Variants in ADGRL3 observed in about 807,000 individuals in gnomAD.
ADGRL3 encodes the protein adhesion G protein-coupled receptor L3.
In ADGRL3, 62 loss-of-function variants were observed where a neutral mutation model predicts 153.5. The ratio of observed to expected loss-of-function variants is 0.40; its 90% CI spans 0.33 to 0.50. ADGRL3 has a LOEUF of 0.50. ADGRL3 is among the 20% of genes least tolerant of loss of function. ADGRL3 has a pLI of 0.47. For missense variants in ADGRL3, 1,641 were observed against 1,859.4 expected (o/e 0.88, Z 2.16); for synonymous variants, 710 against 672.5 (o/e 1.06, Z -0.86).
intron 2 of ADGRL3, among the ~76,000 whole-genome samples, chr4:61,416,297 TGTGA>T (rs1032627312): frequency 1.2e-4 from 18 of 150,816 alleles, no homozygotes; most frequent in Admixed American, 5.9e-4. Context: ...AAGCCGAAAC[TGTGA>T]GTATTTTAAT....
intron 2 of ADGRL3, among the ~76,000 whole-genome samples, chr4:61,400,363 A>G (rs888609173): frequency 6.6e-6 from 1 of 151,862 alleles, no homozygotes; most frequent in African/African-American, 2.4e-5. Flanking sequence ...TAAAATAAAT[A>G]TAGGAAAAAA....
chr4:61,887,379 TAAA>T (rs2149539951), intron 9 of ADGRL3, among the ~76,000 whole-genome samples: 1 of 152,296 alleles, frequency 6.6e-6, no homozygotes, highest in South Asian at 2.1e-4. Flanking sequence ...AGCAAAGTAT[TAAA>T]AACATGGAAT....
intron 2 of ADGRL3, among the ~76,000 whole-genome samples, chr4:61,402,938 TC>T: frequency 6.6e-6 from 1 of 152,036 alleles, no homozygotes; most frequent in Non-Finnish European, 1.5e-5. Flanking sequence ...TAGTTTATTT[TC>T]CTACATTTCT....
chr4:61,298,119 T>G (rs552799429), intron 1 of ADGRL3, among the ~76,000 whole-genome samples: 1 of 152,280 alleles, frequency 6.6e-6, no homozygotes, highest in South Asian at 2.1e-4. Flanking sequence ...TTTTACTGTA[T>G]TATACTTTTG....
intron 4 of ADGRL3, among the ~76,000 whole-genome samples, chr4:61,574,230 A>G (rs1272911294): frequency 6.6e-6 from 1 of 151,972 alleles, no homozygotes; most frequent in Non-Finnish European, 1.5e-5. Context: ...TTCGTAAAGC[A>G]GCCATATGTG....
intron 2 of ADGRL3, among the ~76,000 whole-genome samples, chr4:61,413,166 T>C (rs1226548174): frequency 1.3e-5 from 2 of 152,160 alleles, no homozygotes; most frequent in Non-Finnish European, 2.9e-5. Context: ...AAGCTTTTTA[T>C]TATTGTTGGA....
chr4:61,433,595 T>G (rs751065851), intron 2 of ADGRL3, among the ~76,000 whole-genome samples: 1 of 152,216 alleles, frequency 6.6e-6, no homozygotes, highest in Non-Finnish European at 1.5e-5. Context: ...CCCTGTTCAC[T>G]AAATGCTAAA....
chr4:61,850,106 A>T (rs2098183458), intron 9 of ADGRL3, among the ~76,000 whole-genome samples: 1 of 152,108 alleles, frequency 6.6e-6, no homozygotes, highest in Non-Finnish European at 1.5e-5. Flanking sequence ...CTTGACACAA[A>T]CAGTGCTTTA....
In ADGRL3 at chr4:61,809,880, G is replaced by A. The variant is rs80241057; in HGVS notation, c.1400-3929G>A. Among the ~76,000 whole-genome samples the A allele has an allele frequency of 6.6e-5, 10 of 152,058 alleles. No homozygotes were observed. In the South Asian group the frequency reaches 1.0e-3, roughly 16 times the overall value. On this transcript the variant is annotated intron_variant, in intron 8 of 26. Transcript: ENST00000683033. ...AAAAACTGTTTTAATTACTACCTACGTATAAATTCATCTAATCTTCAGAAT... is the reference window on the plus strand; with the variant it reads ...AAAAACTGTTTTAATTACTACCTACATATAAATTCATCTAATCTTCAGAAT...
In ADGRL3 at chr4:61,557,948, A is replaced by G. The variant is rs984594946; in HGVS notation, c.260-29279A>G. Reference sequence around the variant, plus strand: ...CTCCATCGAGGTCATGTGGATCTTTACCTTCAAAATCCATTGTGCAACTTA... The same window carrying G: ...CTCCATCGAGGTCATGTGGATCTTTGCCTTCAAAATCCATTGTGCAACTTA... On this transcript the variant is annotated intron_variant, in intron 4 of 26. Coordinates refer to ENST00000683033, the MANE Select transcript of ADGRL3 (RefSeq NM_001387552.1). 4.6e-5 allele frequency among the ~76,000 whole-genome samples: 7 copies of G among 151,746 alleles called. 2 individuals carry two copies. The South Asian group carries it at 1.5e-3, about 32-fold the overall frequency.
At chr4:61,889,553 G>T (rs1011614655) in intron 9 of ADGRL3, among the ~76,000 whole-genome samples, 4 of 152,016 alleles carry the variant, frequency 2.6e-5, no homozygotes, top group Non-Finnish European at 5.9e-5. Context: ...CTGGAAAAAG[G>T]TAGAGAATGA....
At chr4:61,362,841 T>G (rs1255186091) in intron 1 of ADGRL3, among the ~76,000 whole-genome samples, 2 of 152,184 alleles carry the variant, frequency 1.3e-5, no homozygotes, top group Non-Finnish European at 2.9e-5. Flanking sequence ...GATGACTTTT[T>G]CATATAAATA....
intron 4 of ADGRL3, among the ~76,000 whole-genome samples, chr4:61,526,609 C>T (rs1238040800): frequency 6.6e-6 from 1 of 151,668 alleles, no homozygotes; most frequent in Non-Finnish European, 1.5e-5. Context: ...GAGACCCTGT[C>T]TTTATAAAAG....
chr4:61,876,157 CAT>C (rs1340118312), intron 9 of ADGRL3, among the ~76,000 whole-genome samples: 9 of 152,046 alleles, frequency 5.9e-5, no homozygotes, highest in Non-Finnish European at 1.0e-4. Flanking sequence ...TTGCATATCT[CAT>C]ATGATTTTTC....
At chr4:61,512,161 A>G (rs955198192) in intron 3 of ADGRL3, among the ~76,000 whole-genome samples, 3 of 152,044 alleles carry the variant, frequency 2.0e-5, no homozygotes, top group Admixed American at 6.6e-5. Flanking sequence ...TGGAATAGAC[A>G]TTTCAGTAGC....
At chr4:61,861,433 G>T (rs770467996) in intron 9 of ADGRL3, among the ~76,000 whole-genome samples, 4 of 152,030 alleles carry the variant, frequency 2.6e-5, no homozygotes, top group Non-Finnish European at 4.4e-5. Flanking sequence ...AGGAATTAAT[G>T]GGTTGGAAAA....
intron 1 of ADGRL3, among the ~76,000 whole-genome samples, chr4:61,363,930 G>C (rs567414643): frequency 2.3e-4 from 35 of 152,184 alleles, no homozygotes; most frequent in Non-Finnish European, 5.0e-4. Context: ...GTTGTTTACT[G>C]TTATGCATAT....
intron 4 of ADGRL3, among the ~76,000 whole-genome samples, chr4:61,532,891 G>A (rs918697896): frequency 6.6e-6 from 1 of 152,038 alleles, no homozygotes; most frequent in African/African-American, 2.4e-5. Flanking sequence ...TGGGATTAGA[G>A]AAACTGTAGT....
At chr4:61,250,799 G>A (rs1408224231) in intron 1 of ADGRL3, among the ~76,000 whole-genome samples, 3 of 151,980 alleles carry the variant, frequency 2.0e-5, no homozygotes, top group Non-Finnish European at 4.4e-5. Context: ...CTGTGCTGTT[G>A]GTAAGGTCAC....
Sources: gnomAD v4.1 joint callset for allele counts (sites outside exome capture counted in the v4.1 genomes callset) on GRCh38, gnomAD v4.1.1 for gene constraint, MANE v1.5 for transcripts, NCBI Gene and HGNC (gene_info 2026-07-23, HGNC 2026-07-21) for gene names.